PCDH15: variants seen among roughly 807,000 people sequenced by gnomAD.
PCDH15 encodes the protein protocadherin related 15, also known as protocadherin-15.
Under a neutral mutation model 178.5 loss-of-function variants are expected in PCDH15, and 129 were observed. The ratio of observed to expected loss-of-function variants is 0.72; its 90% CI spans 0.63 to 0.84. PCDH15 has a LOEUF of 0.84. PCDH15 is among the 40% of genes least tolerant of loss of function. The pLI, the probability that PCDH15 is intolerant of heterozygous loss-of-function variation, is 0.00. For missense variants in PCDH15, 2,230 were observed against 2,099.9 expected (o/e 1.06, Z -1.21); for synonymous variants, 800 against 732.0 (o/e 1.09, Z -1.50).
chr10:54,611,172 A>G (rs1197031096), intron 2 of PCDH15, among the ~76,000 whole-genome samples: 1 of 151,854 alleles, frequency 6.6e-6, no homozygotes, highest in Non-Finnish European at 1.5e-5. Flanking sequence ...ATAATTATCT[A>G]TGCTAACTCC....
chr10:54,265,500 AG>A (rs891567421), intron 8 of PCDH15, among the ~76,000 whole-genome samples: 4 of 151,778 alleles, frequency 2.6e-5, no homozygotes, highest in African/African-American at 9.7e-5. Context: ...AAAAAAAAAA[AG>A]AATCATCCAT....
At chr10:55,191,254 C>T (rs745899461) in intron 1 of PCDH15, among the ~76,000 whole-genome samples, 2 of 151,570 alleles carry the variant, frequency 1.3e-5, no homozygotes, top group Non-Finnish European at 3.0e-5. Context: ...AGTAAAAGCA[C>T]TCAGCATGAC....
intron 1 of PCDH15, among the ~76,000 whole-genome samples, chr10:54,794,707 A>G (rs970279981): frequency 6.6e-6 from 1 of 151,994 alleles, no homozygotes; most frequent in Admixed American, 6.6e-5. Flanking sequence ...ATTTAAAATC[A>G]CCATTCATAG....
chr10:55,241,863 G>A (rs995217014), intron 1 of PCDH15, among the ~76,000 whole-genome samples: 1 of 152,094 alleles, frequency 6.6e-6, no homozygotes, highest in Admixed American at 6.5e-5. Context: ...CAAGAAAATA[G>A]TATTCATTAG....
intron 14 of PCDH15, among the ~76,000 whole-genome samples, chr10:54,135,202 CA>C (rs11299964): frequency 0.17 from 20,325 of 117,964 alleles, 3,084 homozygotes; most frequent in African/African-American, 0.42. Flanking sequence ...GACTCTGTCT[CA>C]AAAAAAAAAA....
At chr10:54,090,136 G>A (rs2094575849) in intron 15 of PCDH15, 73 bp from the exon 16 acceptor site, 1 of 1,156,624 alleles carries the variant, frequency 8.6e-7, no homozygotes, top group Non-Finnish European at 1.3e-6. Context: ...TAATATAAAA[G>A]CTTGAAACTA....
At chr10:54,282,179 C>G (rs372190470) in intron 8 of PCDH15, among the ~76,000 whole-genome samples, 2 of 151,998 alleles carry the variant, frequency 1.3e-5, no homozygotes, top group East Asian at 1.9e-4. Context: ...GTTTTAACAC[C>G]ACCTGGAAAC....
intron 2 of PCDH15, among the ~76,000 whole-genome samples, chr10:55,581,546 C>A (rs939925699): frequency 6.6e-6 from 1 of 151,632 alleles, no homozygotes; most frequent in Non-Finnish European, 1.5e-5. Flanking sequence ...CTTTTCTGCA[C>A]ATAAGTGCAA....
chr10:54,357,698 A>G (rs1168001598), intron 5 of PCDH15, among the ~76,000 whole-genome samples: 1 of 152,204 alleles, frequency 6.6e-6, no homozygotes, highest in Non-Finnish European at 1.5e-5. Flanking sequence ...AAGAGCCTGC[A>G]TCGCCAAGTC....
At chr10:54,892,026 G>A (rs1954470967) in intron 3 of PCDH15, among the ~76,000 whole-genome samples, 1 of 152,120 alleles carries the variant, frequency 6.6e-6, no homozygotes, top group East Asian at 1.9e-4. Flanking sequence ...ATGATCATGA[G>A]GACTTTCTGA....
intron 1 of PCDH15, among the ~76,000 whole-genome samples, chr10:54,800,522 C>CAA (rs1393392357): frequency 6.6e-6 from 1 of 152,146 alleles, no homozygotes; most frequent in African/African-American, 2.4e-5. Context: ...AACAAATCAT[C>CAA]AATATTTGCA....
At chr10:55,306,706 T>C (rs568276845) in intron 1 of PCDH15, among the ~76,000 whole-genome samples, 23 of 152,352 alleles carry the variant, frequency 1.5e-4, no homozygotes, top group African/African-American at 5.5e-4. Context: ...TGCTTATTGA[T>C]TGCCACAGGG....
At chr10:54,155,082 G>A (rs913968660) in intron 13 of PCDH15, among the ~76,000 whole-genome samples, 11 of 152,102 alleles carry the variant, frequency 7.2e-5, no homozygotes, top group African/African-American at 2.7e-4. Context: ...GCACAAATTG[G>A]ATTCAATATT....
intron 21 of PCDH15, among the ~76,000 whole-genome samples, chr10:53,975,416 T>C (rs2090104974): frequency 1.3e-5 from 2 of 152,156 alleles, no homozygotes; most frequent in South Asian, 2.1e-4. Context: ...AATAAGTGTT[T>C]TTTTTCCCCC....
At chr10:54,300,198 C>T (rs1244419857) in intron 8 of PCDH15, among the ~76,000 whole-genome samples, 1 of 152,094 alleles carries the variant, frequency 6.6e-6, no homozygotes, top group Non-Finnish European at 1.5e-5. Context: ...GTAAGAGATG[C>T]TGCCAGGCAT....
intron 2 of PCDH15, among the ~76,000 whole-genome samples, chr10:55,562,866 T>C (rs994523124): frequency 2.6e-5 from 4 of 152,044 alleles, no homozygotes; most frequent in Non-Finnish European, 5.9e-5. Context: ...TGGAAATCTC[T>C]TTACACATAA....
At chr10:54,601,417 A>G (rs1335787223) in intron 2 of PCDH15, among the ~76,000 whole-genome samples, 1 of 152,038 alleles carries the variant, frequency 6.6e-6, no homozygotes, top group African/African-American at 2.4e-5. Context: ...AAATACTTGC[A>G]GCCAAAAAAA....
intron 2 of PCDH15, among the ~76,000 whole-genome samples, chr10:54,650,102 ATT>A (rs2094221178): frequency 1.3e-5 from 2 of 152,202 alleles, no homozygotes; most frequent in Admixed American, 1.3e-4. Flanking sequence ...AAAGATGGAC[ATT>A]AATTTTGATT....
At chr10:54,913,980 G>A (rs1257809046) in intron 2 of PCDH15, among the ~76,000 whole-genome samples, 1 of 152,184 alleles carries the variant, frequency 6.6e-6, no homozygotes, top group Non-Finnish European at 1.5e-5. Flanking sequence ...CTCACAGGCA[G>A]TAGGGGGTTG....
Sources: gnomAD v4.1 joint callset for allele counts (sites outside exome capture counted in the v4.1 genomes callset) on GRCh38, gnomAD v4.1.1 for gene constraint, MANE v1.5 for transcripts, NCBI Gene and HGNC (gene_info 2026-07-23, HGNC 2026-07-21) for gene names.